LHFPL6: variants seen among roughly 807,000 people sequenced by gnomAD.
The protein encoded by LHFPL6 is LHFPL tetraspan subfamily member 6, also known as LHFPL tetraspan subfamily member 6 protein.
In LHFPL6, 9 loss-of-function variants were observed where a neutral mutation model predicts 20.6. That is an observed-to-expected ratio of 0.44 (90% confidence interval 0.26 to 0.76). The LOEUF (loss-of-function observed/expected upper bound fraction) is 0.76, where lower values mean the gene tolerates loss of function less well. Ranked by LOEUF, LHFPL6 falls within the 30% of genes least tolerant of loss-of-function variation. The pLI is 0.20. For synonymous variants in LHFPL6, 105 were observed against 98.7 expected, an observed-to-expected ratio of 1.06 and a Z score of -0.38; for missense variants, 218 against 253.5, an observed-to-expected ratio of 0.86 and a Z score of 0.95.
intron 2 of LHFPL6, among the ~76,000 whole-genome samples, chr13:39,514,187 G>T (rs926483429): frequency 2.0e-5 from 3 of 152,036 alleles, no homozygotes; most frequent in African/African-American, 7.2e-5. Context: ...AATCAGAAGG[G>T]ACTAAAGTCT....
chr13:39,545,025 G>C (rs919334112), intron 2 of LHFPL6, among the ~76,000 whole-genome samples: 5 of 151,482 alleles, frequency 3.3e-5, no homozygotes, highest in African/African-American at 1.2e-4. Context: ...GGCAGATCAC[G>C]AGGTCAGGAG....
chr13:39,451,560 T>C (rs1251080223), intron 2 of LHFPL6, among the ~76,000 whole-genome samples: 2 of 152,232 alleles, frequency 1.3e-5, no homozygotes, highest in Non-Finnish European at 2.9e-5. Flanking sequence ...TTAAATGAGC[T>C]TGTTTTGAAC....
chr13:39,458,643 C>T (rs1467912217), intron 2 of LHFPL6, among the ~76,000 whole-genome samples: 3 of 150,706 alleles, frequency 2.0e-5, no homozygotes, highest in African/African-American at 2.5e-5. Context: ...TGCAGTGAGC[C>T]GTGATTGTGC....
intron 2 of LHFPL6, among the ~76,000 whole-genome samples, chr13:39,486,567 C>T (rs1401360971): frequency 2.0e-5 from 3 of 152,114 alleles, no homozygotes; most frequent in Non-Finnish European, 4.4e-5. Context: ...AACTGTATCA[C>T]CCCAAGTGGT....
chr13:39,476,874 G>T (rs975144318), intron 2 of LHFPL6, among the ~76,000 whole-genome samples: 1 of 152,156 alleles, frequency 6.6e-6, no homozygotes, highest in Non-Finnish European at 1.5e-5. Flanking sequence ...GGTTTTTGGG[G>T]CCTCATTAAA....
intron 2 of LHFPL6, among the ~76,000 whole-genome samples, chr13:39,559,900 C>CT (rs1307517238): frequency 2.6e-5 from 4 of 152,150 alleles, no homozygotes; most frequent in African/African-American, 7.2e-5. Flanking sequence ...ATTTATTTGT[C>CT]TTTTTTTATT....
intron 2 of LHFPL6, among the ~76,000 whole-genome samples, chr13:39,469,571 T>C (rs1872894095): frequency 6.6e-6 from 1 of 151,920 alleles, no homozygotes; most frequent in Non-Finnish European, 1.5e-5. Flanking sequence ...GGAAAACAAA[T>C]GGGTTAGTGC....
intron 2 of LHFPL6, among the ~76,000 whole-genome samples, chr13:39,508,026 C>CTT (rs796622913): frequency 7.5e-6 from 1 of 132,778 alleles, no homozygotes; most frequent in African/African-American, 2.7e-5. Context: ...TTGTAATTTA[C>CTT]TTTTTTTTTT....
intron 2 of LHFPL6, among the ~76,000 whole-genome samples, chr13:39,595,238 C>T (rs1872735020): frequency 6.6e-6 from 1 of 151,988 alleles, no homozygotes; most frequent in Admixed American, 6.6e-5. Context: ...TTAATAAATC[C>T]TGAGCTTAGA....
chr13:39,530,027 T>C (rs1156283299), intron 2 of LHFPL6, among the ~76,000 whole-genome samples: 4 of 152,096 alleles, frequency 2.6e-5, no homozygotes, highest in African/African-American at 9.7e-5. Context: ...GTTCAATGCA[T>C]TGTGCATAGT....
intron 2 of LHFPL6, among the ~76,000 whole-genome samples, chr13:39,561,777 T>C (rs368545617): frequency 6.6e-6 from 1 of 152,206 alleles, no homozygotes; most frequent in South Asian, 2.1e-4. Flanking sequence ...ATCTTATTTA[T>C]TCTCAGAACT....
At chr13:39,464,681 T>C (rs1234205597) in intron 2 of LHFPL6, among the ~76,000 whole-genome samples, 1 of 147,648 alleles carries the variant, frequency 6.8e-6, no homozygotes, top group Non-Finnish European at 1.5e-5. Flanking sequence ...AATTTAACTA[T>C]TGGGGGAAAA....
chr13:39,416,647 T>C (rs1593304753), intron 2 of LHFPL6, among the ~76,000 whole-genome samples: 1 of 152,354 alleles, frequency 6.6e-6, no homozygotes, highest in East Asian at 1.9e-4. Context: ...AGTATGTAAT[T>C]GCAAGAGAAA....
intron 2 of LHFPL6, among the ~76,000 whole-genome samples, chr13:39,463,530 T>C (rs1018476415): frequency 6.6e-6 from 1 of 152,188 alleles, no homozygotes. Context: ...ATATCTTGCA[T>C]ACAAAGATTT....
At chr13:39,512,556 T>G (rs1869752916) in intron 2 of LHFPL6, among the ~76,000 whole-genome samples, 1 of 143,404 alleles carries the variant, frequency 7.0e-6, no homozygotes, top group Non-Finnish European at 1.5e-5. Flanking sequence ...GAGCCGAGAT[T>G]GCGCCACTGC....
intron 1 of LHFPL6, among the ~76,000 whole-genome samples, chr13:39,602,519 G>A (rs756222774): frequency 2.6e-5 from 4 of 152,168 alleles, no homozygotes; most frequent in Non-Finnish European, 4.4e-5. Context: ...CTGCGGGCAG[G>A]GGGCCCCCAT....
At chr13:39,588,133 C>G (rs1486709666) in intron 2 of LHFPL6, among the ~76,000 whole-genome samples, 1 of 152,102 alleles carries the variant, frequency 6.6e-6, no homozygotes, top group East Asian at 1.9e-4. Flanking sequence ...CCTCACGTGG[C>G]TGCCGAGTGA....
At chr13:39,535,808 G>A (rs1011795594) in intron 2 of LHFPL6, among the ~76,000 whole-genome samples, 12 of 152,248 alleles carry the variant, frequency 7.9e-5, no homozygotes, top group African/African-American at 2.9e-4. Context: ...CTTCTTTTGA[G>A]AGTCATAATC....
intron 2 of LHFPL6, among the ~76,000 whole-genome samples, chr13:39,421,464 A>T (rs549658875): frequency 9.2e-5 from 14 of 152,268 alleles, no homozygotes; most frequent in Admixed American, 2.0e-4. Context: ...TAAAAAAATT[A>T]AAAAAAATTC....
Sources: gnomAD v4.1 joint callset for allele counts (sites outside exome capture counted in the v4.1 genomes callset) on GRCh38, gnomAD v4.1.1 for gene constraint, MANE v1.5 for transcripts, NCBI Gene and HGNC (gene_info 2026-07-23, HGNC 2026-07-21) for gene names.